The following USP6NL variants were observed in gnomAD, a reference collection of about 807,000 sequenced individuals.
USP6NL encodes USP6 N-terminal-like protein.
USP6NL carries 26 observed loss-of-function variants against 61.9 expected under a neutral mutation model. The observed-to-expected ratio is 0.42, with a 90% CI of 0.31 to 0.58. The LOEUF (loss-of-function observed/expected upper bound fraction) is 0.58. USP6NL is among the 20% of genes least tolerant of loss of function. The pLI is 0.16. For synonymous variants in USP6NL, 432 were observed against 390.1 expected (o/e 1.11, Z -1.27); for missense variants, 1,114 against 1,034.3 (o/e 1.08, Z -1.06).
At chr10:11,563,769 G>A (rs963616892) in intron 2 of USP6NL, 14 of 152,082 alleles carry the variant, frequency 9.2e-5, no homozygotes, top group Non-Finnish European at 5.9e-5. Context: ...ACATTTCCAA[G>A]GCGAGGCTTC....
At chr10:11,608,741 A>C (rs1838785938) in intron 1 of USP6NL, among the ~76,000 whole-genome samples, 1 of 152,238 alleles carries the variant, frequency 6.6e-6, no homozygotes, top group Admixed American at 6.5e-5. Flanking sequence ...CACTCAAAAA[A>C]TAATGGTTGA....
At chr10:11,522,528 T>C (rs1591883339) in intron 4 of USP6NL, among the ~76,000 whole-genome samples, 1 of 152,364 alleles carries the variant, frequency 6.6e-6, no homozygotes, top group Non-Finnish European at 1.5e-5. Flanking sequence ...TCACTGATTT[T>C]GGTGAAATTT....
At chr10:11,503,186 A>T (rs556592898) in intron 6 of USP6NL, among the ~76,000 whole-genome samples, 273 of 152,332 alleles carry the variant, frequency 1.8e-3, no homozygotes, top group Non-Finnish European at 3.0e-3. Context: ...ATCACTGCAA[A>T]TGCTAAAAGT....
In USP6NL at chr10:11,528,051, T is replaced by A. The variant is rs745512410; in HGVS notation, c.5-484A>T. On this transcript the variant is annotated intron_variant, in intron 2 of 14. Coordinates refer to ENST00000609104, the MANE Select transcript of USP6NL (RefSeq NM_014688.5). The surrounding 1 kb of genome is among the most constrained non-coding windows in gnomAD (Gnocchi z 4.6). ...CTTTTAGTTCCCTTTATCAACAGCC[T>A]CAACTGCTATAACAATCTCCTAACC... 4.1e-4 allele frequency among the ~76,000 whole-genome samples: 62 copies of A among 152,100 alleles called. No homozygotes were observed. The highest frequency in any genetic ancestry group is 3.4e-3 in the Middle Eastern group (1 of 294).
chr10:11,590,577 T>C (rs1838130920), intron 2 of USP6NL, among the ~76,000 whole-genome samples: 1 of 152,178 alleles, frequency 6.6e-6, no homozygotes, highest in Non-Finnish European at 1.5e-5. Flanking sequence ...CATAATATTT[T>C]CATATAGAAA....
chr10:11,572,284 G>A (rs1346137932), intron 2 of USP6NL, among the ~76,000 whole-genome samples: 20 of 151,944 alleles, frequency 1.3e-4, no homozygotes, highest in Admixed American at 1.3e-3. Context: ...ATACCTAATT[G>A]TTAGAATCCT....
At chr10:11,555,340 G>A (rs542086666) in intron 2 of USP6NL, among the ~76,000 whole-genome samples, 2 of 145,826 alleles carry the variant, frequency 1.4e-5, no homozygotes, top group South Asian at 2.2e-4. Context: ...GACTGAACAC[G>A]GGAAGTGGAC....
chr10:11,511,264 G>A lies in USP6NL; in HGVS notation c.196-1589C>T, dbSNP rs1339530624. ...TTTTATAATTCGTATTTTTCAAAAG[G>A]CTAAGTATATTTTCCTCATTATATT... is the stretch of plus-strand genomic sequence containing the variant. On this transcript the variant is annotated intron_variant, in intron 5 of 14. Coordinates refer to ENST00000609104, the MANE Select transcript of USP6NL (RefSeq NM_014688.5). This position sits in a 1 kb window ranked among gnomAD's most constrained non-coding sequence, Gnocchi z 4.9. Among the ~76,000 whole-genome samples, 1 of 152,024 alleles carries A rather than the reference G, an allele frequency of 6.6e-6. No individual in the cohort carries two copies. The highest frequency in any genetic ancestry group is 1.5e-5 in the Non-Finnish European group (1 of 68,012).
intron 2 of USP6NL, among the ~76,000 whole-genome samples, chr10:11,576,989 A>G (rs1053407388): frequency 2.0e-5 from 3 of 152,098 alleles, no homozygotes; most frequent in African/African-American, 7.2e-5. Context: ...TACAAAAAAC[A>G]TGGTATATTT....
rs1432330962 is a variant in USP6NL at position 11,591,739 on chromosome 10, G to A, written c.4+5892C>T. On this transcript the variant is annotated intron_variant, in intron 2 of 14. Transcript: ENST00000609104. This position sits in a 1 kb window ranked among gnomAD's most constrained non-coding sequence, Gnocchi z 4.7. ...GGGTACTATTTTTACAACTTTTCTTGTTGTAAGTTTGAAAAAATATCAAAA... is the reference window on the plus strand; with the variant it reads ...GGGTACTATTTTTACAACTTTTCTTATTGTAAGTTTGAAAAAATATCAAAA... 6.6e-6 allele frequency among the ~76,000 whole-genome samples: 1 copy of A among 152,060 alleles called. No homozygotes were observed. Among genetic ancestry groups the A allele is most frequent in the East Asian group, 1.9e-4 (1 of 5,202 alleles).
chr10:11,601,371 A>G (rs1208199409), intron 1 of USP6NL, among the ~76,000 whole-genome samples: 1 of 152,210 alleles, frequency 6.6e-6, no homozygotes, highest in Admixed American at 6.5e-5. Context: ...GGAATGCCAG[A>G]GCCCACAGTG....
Position 11,596,487 on chromosome 10 carries a change from G to A in USP6NL, c.4+1144C>T, listed in dbSNP as rs1268583184. Among the ~76,000 whole-genome samples the A allele has an allele frequency of 1.3e-5, 2 of 152,084 alleles. No individual in the cohort carries two copies. Among genetic ancestry groups the A allele is most frequent in the Non-Finnish European group, 2.9e-5 (2 of 68,026 alleles). ...ATACAAAAAAAAATTAGCTGGGCCT[G>A]GTGGCGGGCGCCTGTAGTCCCAGCT... On this transcript the variant is annotated intron_variant, in intron 2 of 14. Transcript: ENST00000609104. The surrounding 1 kb of genome is among the most constrained non-coding windows in gnomAD (Gnocchi z 4.1).
rs562034038 is a variant in USP6NL, at chr10:11,596,602, C to G, written c.4+1029G>C. On this transcript the variant is annotated intron_variant, in intron 2 of 14. Transcript: ENST00000609104. The surrounding 1 kb of genome is among the most constrained non-coding windows in gnomAD (Gnocchi z 4.1). ...TGGTGCCACTGCACTGCAGCCTGGG[C>G]GACAGAGGGAGACTCCGTCTCAAAA... Among the ~76,000 whole-genome samples, 2 of 147,628 alleles carry G rather than the reference C, an allele frequency of 1.4e-5. No individual in the cohort carries two copies. Among genetic ancestry groups the G allele is most frequent in the Non-Finnish European group, 3.0e-5 (2 of 67,392 alleles).
rs952801458 is a variant in USP6NL at position 11,553,624 on chromosome 10, G to A, written c.5-26057C>T. Among the ~76,000 whole-genome samples the A allele has an allele frequency of 6.6e-6, 1 of 152,166 alleles. No homozygotes were observed. Among genetic ancestry groups the A allele is most frequent in the African/African-American group, 2.4e-5 (1 of 41,426 alleles). ...AAATAGCAAGATTAGGCTGGGTGTG[G>A]TGGCTCATGCCTGTAATCCCGGTAC... is the stretch of plus-strand genomic sequence containing the variant. On this transcript the variant is annotated intron_variant, in intron 2 of 14. Coordinates refer to ENST00000609104, the MANE Select transcript of USP6NL (RefSeq NM_014688.5). The surrounding 1 kb of genome is among the most constrained non-coding windows in gnomAD (Gnocchi z 4.8).
chr10:11,566,240 T>C (rs913864457), intron 2 of USP6NL, among the ~76,000 whole-genome samples: 1 of 152,048 alleles, frequency 6.6e-6, no homozygotes, highest in African/African-American at 2.4e-5. Flanking sequence ...TAAACTGTGG[T>C]AAAAGAGAAA....
Position 11,561,169 on chromosome 10 carries a change from T to C in USP6NL, c.5-33602A>G, listed in dbSNP as rs983172302. ...TTCATCCAGAATAGCTAAAATATGT[T>C]TGTGCTTTATACATCCAAAAAAAAT... is the stretch of plus-strand genomic sequence containing the variant. On this transcript the variant is annotated intron_variant, in intron 2 of 14. Transcript: ENST00000609104. The surrounding 1 kb of genome is among the most constrained non-coding windows in gnomAD (Gnocchi z 4.1). Among the ~76,000 whole-genome samples the C allele has an allele frequency of 6.6e-6, 1 of 152,188 alleles. No individual in the cohort carries two copies. The highest frequency in any genetic ancestry group is 1.5e-5 in the Non-Finnish European group (1 of 68,024).
rs145103785 is a variant in USP6NL at position 11,474,325 on chromosome 10, A to G, written c.1078+7445T>C. On this transcript the variant is annotated intron_variant, in intron 14 of 14. Transcript: ENST00000609104. The surrounding 1 kb of genome is among the most constrained non-coding windows in gnomAD (Gnocchi z 4.9). The stretch of plus-strand genomic sequence containing the variant: ...AACTTTAGATTTTAAACTTATAAAG[A>G]GTATACTGAAACAAAAGACTTAAGG... 3.5e-3 allele frequency among the ~76,000 whole-genome samples: 528 copies of G among 152,376 alleles called. 3 individuals are homozygous for G. Among genetic ancestry groups the G allele is most frequent in the Non-Finnish European group, 5.0e-3 (342 of 68,038 alleles).
chr10:11,515,728 T>C (rs1834926290), intron 5 of USP6NL, among the ~76,000 whole-genome samples: 1 of 152,188 alleles, frequency 6.6e-6, no homozygotes, highest in African/African-American at 2.4e-5. Flanking sequence ...CTTAACAGTT[T>C]GTTTTTCGTT....
rs1203810855 is a variant in USP6NL, at chr10:11,476,910, C to T, written c.1078+4860G>A. 1.3e-5 allele frequency among the ~76,000 whole-genome samples: 2 copies of T among 152,142 alleles called. No homozygotes were observed. Among genetic ancestry groups the T allele is most frequent in the Non-Finnish European group, 2.9e-5 (2 of 68,030 alleles). ...TTTTCAAGACGGAGTCTTGCTCTGTCACCCAGGCTGAAGTGCAGTGGTGCG... is the reference window on the plus strand; with the variant it reads ...TTTTCAAGACGGAGTCTTGCTCTGTTACCCAGGCTGAAGTGCAGTGGTGCG... On this transcript the variant is annotated intron_variant, in intron 14 of 14. Coordinates refer to ENST00000609104, the MANE Select transcript of USP6NL (RefSeq NM_014688.5). This position sits in a 1 kb window ranked among gnomAD's most constrained non-coding sequence, Gnocchi z 4.3.
Sources: gnomAD v4.1 joint callset for allele counts (sites outside exome capture counted in the v4.1 genomes callset) on GRCh38, gnomAD v4.1.1 for gene constraint, Gnocchi (gnomAD v3.1) non-coding constraint, MANE v1.5 for transcripts, NCBI Gene and HGNC (gene_info 2026-07-23, HGNC 2026-07-21) for gene names.